The following CPE variants were observed in gnomAD, a reference collection of about 807,000 sequenced individuals.
CPE encodes the protein carbocypeptidase E.
Under a neutral mutation model 53.5 loss-of-function variants are expected in CPE, and 17 were observed. The observed-to-expected ratio is 0.32, with a 90% confidence interval of 0.22 to 0.48. The LOEUF (loss-of-function observed/expected upper bound fraction) is 0.48. CPE is among the 20% of genes least tolerant of loss of function. The pLI, the probability that CPE is intolerant of heterozygous loss-of-function variation, is 0.99. For synonymous variants in CPE, 226 were observed against 228.8 expected (o/e 0.99, Z 0.11); for missense variants, 524 against 614.7 (o/e 0.85, Z 1.56).
At chr4:165,392,242 A>G (rs1730693283) in intron 1 of CPE, among the ~76,000 whole-genome samples, 1 of 147,014 alleles carries the variant, frequency 6.8e-6, no homozygotes, top group Non-Finnish European at 1.5e-5. Flanking sequence ...TATAGTGTAT[A>G]TATAGGTATA....
intron 1 of CPE, among the ~76,000 whole-genome samples, chr4:165,432,501 G>T (rs1398804331): frequency 6.6e-6 from 1 of 151,998 alleles, no homozygotes; most frequent in Admixed American, 6.6e-5. Flanking sequence ...TTTCACTATT[G>T]CCCAGGCTGG....
At chr4:165,408,619 G>A (rs965558005) in intron 1 of CPE, among the ~76,000 whole-genome samples, 4 of 152,102 alleles carry the variant, frequency 2.6e-5, no homozygotes, top group African/African-American at 7.2e-5. Flanking sequence ...TTGAGCCTGC[G>A]TCAGAATCAC....
chr4:165,465,008 A>G (rs905056941), intron 2 of CPE, among the ~76,000 whole-genome samples: 4 of 152,192 alleles, frequency 2.6e-5, no homozygotes, highest in African/African-American at 9.6e-5. Flanking sequence ...AGGAAGAAAT[A>G]CTTTTGGCCG....
intron 1 of CPE, chr4:165,404,840 A>T (rs1730927080): frequency 1.3e-6 from 1 of 766,052 alleles, no homozygotes; most frequent in African/African-American, 1.7e-5. Flanking sequence ...CAGCAGCTGC[A>T]TCTTGTCTGC....
chr4:165,438,514 C>T (rs4441715), intron 1 of CPE, among the ~76,000 whole-genome samples: 55,987 of 151,928 alleles, frequency 0.37, 10,509 homozygotes, highest in Middle Eastern at 0.47. Flanking sequence ...TTGAGAATCT[C>T]CTATATGATT....
chr4:165,486,041 C>T (rs1338448859), intron 5 of CPE, among the ~76,000 whole-genome samples: 3 of 152,154 alleles, frequency 2.0e-5, no homozygotes, highest in Admixed American at 6.5e-5. Context: ...AAATTAGGGG[C>T]AGGTTTGTCT....
At chr4:165,436,184 G>GCACA (rs898479047) in intron 1 of CPE, among the ~76,000 whole-genome samples, 38 of 127,938 alleles carry the variant, frequency 3.0e-4, no homozygotes, top group African/African-American at 1.1e-3. Context: ...GCATTTCCCA[G>GCACA]CACACATACA....
At chr4:165,487,043 G>A (rs1732516777) in intron 5 of CPE, among the ~76,000 whole-genome samples, 1 of 152,182 alleles carries the variant, frequency 6.6e-6, no homozygotes, top group Admixed American at 6.5e-5. Context: ...GTCAGATCAT[G>A]TCACATGAAG....
At chr4:165,410,431 G>C (rs1035992213) in intron 1 of CPE, among the ~76,000 whole-genome samples, 3 of 152,100 alleles carry the variant, frequency 2.0e-5, no homozygotes, top group Admixed American at 2.0e-4. Context: ...CCGGCACTGG[G>C]TAAGTAAACA....
chr4:165,430,205 A>C (rs28412249), intron 1 of CPE, among the ~76,000 whole-genome samples: 1 of 151,950 alleles, frequency 6.6e-6, no homozygotes, highest in Non-Finnish European at 1.5e-5. Context: ...AACCATACGT[A>C]GCCAAATTGA....
At chr4:165,388,237 A>G (rs931344721) in intron 1 of CPE, among the ~76,000 whole-genome samples, 20 of 152,218 alleles carry the variant, frequency 1.3e-4, no homozygotes, top group Non-Finnish European at 2.9e-5. Flanking sequence ...TGAAACTTCA[A>G]TATAAAGATC....
At chr4:165,420,767 C>T (rs28429925) in intron 1 of CPE, among the ~76,000 whole-genome samples, 44,908 of 151,878 alleles carry the variant, frequency 0.3, 6,712 homozygotes, top group Middle Eastern at 0.39. Context: ...ATTCAAATAA[C>T]CATTCTTCTG....
At chr4:165,439,069 T>C (rs1731562871) in intron 1 of CPE, among the ~76,000 whole-genome samples, 1 of 152,182 alleles carries the variant, frequency 6.6e-6, no homozygotes, top group African/African-American at 2.4e-5. Flanking sequence ...AGAGATTCTG[T>C]CTCTTATAAT....
At chr4:165,391,449 C>T (rs1299184794) in intron 1 of CPE, among the ~76,000 whole-genome samples, 1 of 152,018 alleles carries the variant, frequency 6.6e-6, no homozygotes, top group Non-Finnish European at 1.5e-5. Flanking sequence ...GCCCTCAGAC[C>T]AAGGTAGTAA....
chr4:165,404,253 T>G, intron 1 of CPE: 1 of 766,106 alleles, frequency 1.3e-6, no homozygotes, highest in East Asian at 2.4e-5. Context: ...ACGGCTCCAA[T>G]GTCTCCCTCT....
intron 7 of CPE, among the ~76,000 whole-genome samples, chr4:165,495,206 G>A (rs1227107042): frequency 6.6e-6 from 1 of 152,152 alleles, no homozygotes; most frequent in African/African-American, 2.4e-5. Flanking sequence ...TCTTCACCTG[G>A]CAAGAATCAA....
intron 1 of CPE, among the ~76,000 whole-genome samples, chr4:165,396,664 C>T (rs1215326003): frequency 8.0e-6 from 1 of 124,606 alleles, no homozygotes; most frequent in Non-Finnish European, 1.6e-5. Context: ...GAGCCAGATT[C>T]TGTCTCAAAA....
chr4:165,387,648 A>C (rs1730615885), intron 1 of CPE, among the ~76,000 whole-genome samples: 1 of 152,114 alleles, frequency 6.6e-6, no homozygotes, highest in Non-Finnish European at 1.5e-5. Context: ...GTCTCTACTA[A>C]AAATACAAAA....
intron 1 of CPE, among the ~76,000 whole-genome samples, chr4:165,425,659 CAAAAA>C (rs35754302): frequency 6.8e-6 from 1 of 146,428 alleles, no homozygotes; most frequent in Non-Finnish European, 1.5e-5. Context: ...AATATTTCCT[CAAAAA>C]AAAAAAAACA....
Sources: allele counts gnomAD v4.1 joint callset (sites outside exome capture counted in the v4.1 genomes callset), GRCh38; gene constraint gnomAD v4.1.1; transcripts MANE v1.5; gene names NCBI Gene and HGNC (gene_info 2026-07-23, HGNC 2026-07-21).